CDH23: variants seen among roughly 807,000 people sequenced by gnomAD.
CDH23 encodes the protein cadherin related 23, also known as cadherin-23.
A neutral mutation model predicts 317.1 loss-of-function variants in CDH23; 189 were observed. That is an observed-to-expected ratio of 0.60 (90% CI 0.53 to 0.67). The LOEUF is 0.67. CDH23 is among the 30% of genes least tolerant of loss of function. The pLI, the probability that CDH23 is intolerant of heterozygous loss-of-function variation, is 0.00. For missense variants in CDH23, 4,401 were observed against 4,592.4 expected (o/e 0.96, Z 1.20); for synonymous variants, 1,839 against 1,876.8 (o/e 0.98, Z 0.52).
At chr10:71,489,380 T>C (rs1166879895) in intron 3 of CDH23, among the ~76,000 whole-genome samples, 4 of 152,232 alleles carry the variant, frequency 2.6e-5, no homozygotes, top group African/African-American at 7.2e-5. Flanking sequence ...GTGTTTGAAA[T>C]TCAAATGATC....
Position 71,677,483 on chromosome 10 carries a change from C to G in CDH23, c.1542C>G (p.Leu514=). 2 of 1,611,148 alleles carry G rather than the reference C, an allele frequency of 1.2e-6. No individual in the cohort carries two copies. Among genetic ancestry groups the G allele is most frequent in the Non-Finnish European group, 1.7e-6 (2 of 1,178,936 alleles). The change falls in exon 16 of 70, where the codon CTC becomes CTG. Residue 514 remains leucine, a synonymous_variant. Coordinates refer to ENST00000224721, the MANE Select transcript of CDH23 (RefSeq NM_022124.6). ...TCTCGCTGGACAAGGACACGGGACT[C>G]ATCATGCTGATTGCCAGGCTGGACT... ...DRFSLDKDTG[L]IMLIARLDYE...
At chr10:71,577,846 C>T in intron 8 of CDH23, 68 bp from the exon 9 acceptor site, 2 of 1,350,108 alleles carry the variant, frequency 1.5e-6, no homozygotes, top group Non-Finnish European at 2.1e-6. Context: ...CTGTGGGTGC[C>T]ATGATAGCTA....
intron 48 of CDH23, among the ~76,000 whole-genome samples, chr10:71,794,109 C>G (rs913968506): frequency 2.6e-5 from 4 of 152,084 alleles, no homozygotes; most frequent in Admixed American, 6.5e-5. Flanking sequence ...TCAAGTGATT[C>G]TCCTGCCTCA....
intron 40 of CDH23, among the ~76,000 whole-genome samples, chr10:71,778,552 G>A (rs988894730): frequency 6.6e-6 from 1 of 152,108 alleles, no homozygotes; most frequent in South Asian, 2.1e-4. Flanking sequence ...TCTCCTTCAT[G>A]GGAAAACCAT....
intron 1 of CDH23, among the ~76,000 whole-genome samples, chr10:71,417,054 CT>C (rs1031788555): frequency 6.7e-5 from 7 of 104,764 alleles, no homozygotes; most frequent in African/African-American, 2.6e-4. Context: ...TCTTTTTTGT[CT>C]TTTCCTTTCT....
At chr10:71,761,489 G>A in intron 38 of CDH23, 1 of 1,298,430 alleles carries the variant, frequency 7.7e-7, no homozygotes. Context: ...GAGTGCCAGT[G>A]TTACCCATGC....
At chr10:71,578,620 C>T (rs1858401326) in intron 9 of CDH23, among the ~76,000 whole-genome samples, 1 of 152,144 alleles carries the variant, frequency 6.6e-6, no homozygotes, top group South Asian at 2.1e-4. Flanking sequence ...TGACAAATGG[C>T]AGCTCTGTTC....
intron 14 of CDH23, among the ~76,000 whole-genome samples, chr10:71,674,349 G>A (rs748811026): frequency 7.9e-5 from 12 of 152,136 alleles, no homozygotes; most frequent in Non-Finnish European, 1.6e-4. Flanking sequence ...AGCGCAAAGG[G>A]ATCAAAATAC....
chr10:71,496,824 G>GGATGGCAGCCTCGTA (rs368531457), intron 3 of CDH23, among the ~76,000 whole-genome samples: 2 of 124,324 alleles, frequency 1.6e-5, no homozygotes, highest in Non-Finnish European at 3.7e-5. Context: ...TATGTGGTCT[G>GGATGGCAGCCTCGTA]GTGTACAGAT....
At chr10:71,790,206 T>C (rs1174571675) in intron 45 of CDH23, 82 bp from the exon 46 acceptor site, 3 of 1,554,756 alleles carry the variant, frequency 1.9e-6, no homozygotes, top group Admixed American at 1.8e-5. Context: ...TCGTCAGCCA[T>C]GGCTCACCGG....
At chr10:71,690,669 C>T (rs887067935) in intron 20 of CDH23, 85 bp downstream of exon 20, 1 of 888,160 alleles carries the variant, frequency 1.1e-6, no homozygotes, top group Non-Finnish European at 1.8e-6. Context: ...GCCTCTGGGC[C>T]CAGGTCCCCT....
At chr10:71,744,267 C>T (rs1392223201) in intron 38 of CDH23, among the ~76,000 whole-genome samples, 1 of 152,074 alleles carries the variant, frequency 6.6e-6, no homozygotes, top group South Asian at 2.1e-4. Flanking sequence ...AATCCTAATG[C>T]AGGCCAGTCA....
At chr10:71,602,756 C>A (rs1311649541) in intron 9 of CDH23, among the ~76,000 whole-genome samples, 6 of 152,162 alleles carry the variant, frequency 3.9e-5, no homozygotes, top group Non-Finnish European at 7.4e-5. Flanking sequence ...TTTGACGCAT[C>A]CTGACATGGG....
chr10:71,510,244 C>A lies in CDH23; in HGVS notation c.288+20C>A. 6.2e-7 allele frequency: 1 copy of A among 1,610,420 alleles called. No homozygotes were observed. Among genetic ancestry groups the A allele is most frequent in the Non-Finnish European group, 8.5e-7 (1 of 1,178,248 alleles). Reference sequence around the variant, plus strand: ...AGAGAGGTATGACTTGCCCATACCCCTGCCCCAATTCTCTCCTGGGGACAG... The same window carrying A: ...AGAGAGGTATGACTTGCCCATACCCATGCCCCAATTCTCTCCTGGGGACAG... On this transcript the variant is annotated intron_variant, in intron 4 of 69. Transcript: ENST00000224721.
chr10:71,708,269 C>G (rs1253573610), intron 26 of CDH23, among the ~76,000 whole-genome samples: 1 of 152,138 alleles, frequency 6.6e-6, no homozygotes, highest in Non-Finnish European at 1.5e-5. Flanking sequence ...TCTTCAGCAC[C>G]CCAGAGTGGT....
chr10:71,774,049 G>GTGCACA (rs1554871240), intron 38 of CDH23, among the ~76,000 whole-genome samples: 11 of 145,492 alleles, frequency 7.6e-5, no homozygotes, highest in African/African-American at 2.6e-4. Context: ...GCATGCGCGC[G>GTGCACA]CGCACACACA....
At chr10:71,403,278 G>C (rs182807556) in intron 1 of CDH23, among the ~76,000 whole-genome samples, 2 of 151,672 alleles carry the variant, frequency 1.3e-5, no homozygotes, top group African/African-American at 2.4e-5. Flanking sequence ...CTGAGTTGCC[G>C]GTACCCCTTT....
chr10:71,475,645 A>AG (rs1851755059), intron 3 of CDH23, among the ~76,000 whole-genome samples: 1 of 152,146 alleles, frequency 6.6e-6, no homozygotes, highest in African/African-American at 2.4e-5. Flanking sequence ...CTGTCACCCG[A>AG]GGGGTCCCCG....
At chr10:71,681,329 C>A (rs377214010) in intron 17 of CDH23, among the ~76,000 whole-genome samples, 1 of 152,142 alleles carries the variant, frequency 6.6e-6, no homozygotes, top group African/African-American at 2.4e-5. Flanking sequence ...AGCCAATATA[C>A]CTTCCCTCCC....
Sources: allele counts gnomAD v4.1 joint callset (sites outside exome capture counted in the v4.1 genomes callset), GRCh38; gene constraint gnomAD v4.1.1; transcripts MANE v1.5; gene names NCBI Gene and HGNC (gene_info 2026-07-23, HGNC 2026-07-21).